ANK3: variants seen among roughly 807,000 people sequenced by gnomAD.
ANK3 encodes the protein ankyrin 3, also known as ankyrin-3.
Under a neutral mutation model 370.9 loss-of-function variants are expected in ANK3, and 57 were observed. That is an observed-to-expected ratio of 0.15 (90% CI 0.12 to 0.19). The LOEUF (loss-of-function observed/expected upper bound fraction) is 0.19, where lower values mean the gene tolerates loss of function less well. ANK3 is among the 10% of genes least tolerant of loss of function. The pLI, the probability that ANK3 is intolerant of heterozygous loss-of-function variation, is 1.00. For missense variants in ANK3, 4,439 were observed against 5,302.1 expected, an observed-to-expected ratio of 0.84 and a Z score of 5.06; for synonymous variants, 1,929 against 1,946.3, an observed-to-expected ratio of 0.99 and a Z score of 0.23.
At chr10:60,471,238 A>G (rs913388943) in intron 2 of ANK3, among the ~76,000 whole-genome samples, 1 of 152,182 alleles carries the variant, frequency 6.6e-6, no homozygotes, top group African/African-American at 2.4e-5. Flanking sequence ...CTTCAAGGAA[A>G]ACAAAGCCAA....
intron 1 of ANK3, among the ~76,000 whole-genome samples, chr10:60,732,191 A>G (rs918538827): frequency 6.6e-6 from 1 of 152,090 alleles, no homozygotes; most frequent in African/African-American, 2.4e-5. Flanking sequence ...TAAAAAAAAA[A>G]CCAAAAGTCC....
At chr10:60,306,124 G>T (rs545299699) in intron 1 of ANK3, among the ~76,000 whole-genome samples, 1 of 151,942 alleles carries the variant, frequency 6.6e-6, no homozygotes, top group South Asian at 2.1e-4. Flanking sequence ...GCTATTTAGA[G>T]GTGGTTTCTG....
chr10:60,297,408 G>A (rs906340013), intron 1 of ANK3, among the ~76,000 whole-genome samples: 1 of 152,080 alleles, frequency 6.6e-6, no homozygotes, highest in Non-Finnish European at 1.5e-5. Flanking sequence ...TATGCTTAAC[G>A]AGTGATTATT....
At chr10:60,327,907 C>G (rs1214463552) in intron 1 of ANK3, among the ~76,000 whole-genome samples, 1 of 152,042 alleles carries the variant, frequency 6.6e-6, no homozygotes, top group East Asian at 1.9e-4. Flanking sequence ...ACTACTGTTT[C>G]AGAGTCAAAA....
At chr10:60,237,302 G>A (rs546745220) in intron 7 of ANK3, among the ~76,000 whole-genome samples, 1 of 152,310 alleles carries the variant, frequency 6.6e-6, no homozygotes. Context: ...AGCAGATGGA[G>A]GGTCAGGTTG....
chr10:60,438,128 A>G (rs57679969), intron 2 of ANK3, among the ~76,000 whole-genome samples: 13,712 of 152,168 alleles, frequency 0.09, 788 homozygotes, highest in South Asian at 0.17. Context: ...CTACTCTCCA[A>G]TTCCTAAATT....
At chr10:60,358,096 GTA>G (rs2058044637) in intron 1 of ANK3, among the ~76,000 whole-genome samples, 4 of 123,384 alleles carry the variant, frequency 3.2e-5, no homozygotes, top group South Asian at 2.8e-4. Context: ...ACATGCATAT[GTA>G]TACACACACA....
chr10:60,194,776 C>T (rs1282374377), intron 16 of ANK3, among the ~76,000 whole-genome samples: 1 of 152,072 alleles, frequency 6.6e-6, no homozygotes, highest in African/African-American at 2.4e-5. Flanking sequence ...TTGTCAGGGT[C>T]AGAAACTGTG....
Position 60,071,034 on chromosome 10 carries a change from C to T in ANK3, c.9847G>A (p.Glu3283Lys). ...YLPEKEVDMI[E>K]VNLQDEHDKY... ...TCATGCTCATCTTGCAGATTGACTT[C>T]AATCATGTCAACCTCTTTTTCTGGG... Residue 3283 changes from glutamate to lysine, a missense_variant, in exon 37 of 44, where the codon GAA (glutamate) becomes AAA (lysine). Around this residue, in one of 13 missense-constraint regions of ANK3, gnomAD observed 1,601 missense variants for 1,731.7 expected, o/e 0.92. Transcript: ENST00000280772. 2 of 1,614,142 alleles carry T rather than the reference C, an allele frequency of 1.2e-6. No homozygotes were observed. Among genetic ancestry groups the T allele is most frequent in the Non-Finnish European group, 1.7e-6 (2 of 1,180,012 alleles).
chr10:60,720,862 C>A (rs1010285793), intron 1 of ANK3, among the ~76,000 whole-genome samples: 1 of 152,206 alleles, frequency 6.6e-6, no homozygotes, highest in Admixed American at 6.5e-5. Flanking sequence ...ATCTGCCAGT[C>A]TCAGCCTCCC....
chr10:60,628,095 T>A (rs1438483282), intron 1 of ANK3, among the ~76,000 whole-genome samples: 2 of 152,182 alleles, frequency 1.3e-5, no homozygotes, highest in Admixed American at 1.3e-4. Context: ...ACCCTTAATT[T>A]GCTAAATGCC....
Position 60,629,732 on chromosome 10 carries a change from T to C in ANK3, c.58-14508A>G, listed in dbSNP as rs144218761. ...TTAGCTAGAAAATATAAAAGACATATTAAAAATCTTTTATAAAAAAAGAAT... is the reference window on the plus strand; with the variant it reads ...TTAGCTAGAAAATATAAAAGACATACTAAAAATCTTTTATAAAAAAAGAAT... On this transcript the variant is annotated intron_variant, in intron 1 of 43. Transcript: ENST00000373827. Among the ~76,000 whole-genome samples, 130 of 152,214 alleles carry C rather than the reference T, an allele frequency of 8.5e-4. 1 individual carries two copies. The highest frequency in any genetic ancestry group is 6.8e-3 in the Middle Eastern group (2 of 294).
chr10:60,563,567 A>T (rs1181410891), intron 2 of ANK3, among the ~76,000 whole-genome samples: 1 of 152,226 alleles, frequency 6.6e-6, no homozygotes, highest in African/African-American at 2.4e-5. Context: ...ATGAATACTC[A>T]CACTAAGTAG....
intron 1 of ANK3, among the ~76,000 whole-genome samples, chr10:60,629,009 T>C (rs1439961276): frequency 6.6e-6 from 1 of 152,066 alleles, no homozygotes; most frequent in Non-Finnish European, 1.5e-5. Context: ...CTCTGCTTTT[T>C]TGTTGTTGTT....
intron 2 of ANK3, among the ~76,000 whole-genome samples, chr10:60,425,526 C>G (rs141508260): frequency 2.4e-3 from 363 of 152,204 alleles, no homozygotes; most frequent in African/African-American, 8.1e-3. Flanking sequence ...GCAAGCCAAG[C>G]TGATTCAACA....
In ANK3 at chr10:60,064,141, TATA is replaced by T; in HGVS notation, c.12451+13_12451+15del. The T allele has an allele frequency of 1.3e-6, 2 of 1,546,846 alleles. No individual in the cohort carries two copies. The highest frequency in any genetic ancestry group is 1.7e-6 in the Non-Finnish European group (2 of 1,156,808). ...TATGCAGTTTTGAAAGTTAAAATAA[TATA>T]ATTTCGGCATACTTGTGGCATTTTT... On this transcript the variant is annotated intron_variant, in intron 39 of 43. Coordinates refer to ENST00000280772, the MANE Select transcript of ANK3 (RefSeq NM_020987.5).
intron 2 of ANK3, among the ~76,000 whole-genome samples, chr10:60,511,685 T>C (rs1444074336): frequency 1.3e-5 from 2 of 151,752 alleles, no homozygotes; most frequent in African/African-American, 4.8e-5. Context: ...AGACCTCAAC[T>C]CTCTATGGAA....
intron 20 of ANK3, 95 bp from the exon 21 acceptor site, chr10:60,172,498 A>G: frequency 1.1e-6 from 1 of 930,188 alleles, no homozygotes; most frequent in African/African-American, 1.6e-5. Context: ...CATCAGACCC[A>G]TCCCACTGTC....
intron 1 of ANK3, among the ~76,000 whole-genome samples, chr10:60,331,123 G>A (rs1352408710): frequency 3.3e-5 from 5 of 151,968 alleles, no homozygotes; most frequent in South Asian, 2.1e-4. Context: ...TCAGGGGGTC[G>A]GGGGCATGGG....
Sources: allele counts gnomAD v4.1 joint callset (sites outside exome capture counted in the v4.1 genomes callset), GRCh38; gene constraint gnomAD v4.1.1; regional missense constraint gnomAD v4.1.1; transcripts MANE v1.5; gene names NCBI Gene and HGNC (gene_info 2026-07-23, HGNC 2026-07-21).